ATRX: variants seen among roughly 807,000 people sequenced by gnomAD.
ATRX encodes the protein chromatin remodeler ATRX.
In ATRX, 12 loss-of-function variants were observed where a neutral mutation model predicts 172.6. That is an observed-to-expected ratio of 0.07 (90% CI 0.04 to 0.11). The LOEUF is 0.11. ATRX is among the 10% of genes least tolerant of loss of function. The pLI, the probability that ATRX is intolerant of heterozygous loss-of-function variation, is 1.00. For missense variants in ATRX, 1,368 were observed against 1,767.4 expected, an observed-to-expected ratio of 0.77 and a Z score of 4.05; for synonymous variants, 674 against 594.7, an observed-to-expected ratio of 1.13 and a Z score of -1.94.
At chrX:77,646,629 A>C (rs1162159405) in intron 15 of ATRX, among the ~76,000 whole-genome samples, 1 of 111,827 alleles carries the variant, frequency 8.9e-6, no homozygotes, top group Non-Finnish European at 1.9e-5. Flanking sequence ...ATAACACTAT[A>C]AACCAATTGG....
At chrX:77,768,211 A>G (rs2076042522) in intron 1 of ATRX, among the ~76,000 whole-genome samples, 1 of 112,143 alleles carries the variant, frequency 8.9e-6, no homozygotes, top group South Asian at 3.7e-4. Context: ...TTATCGCTTA[A>G]TGGAAGATAT....
intron 22 of ATRX, among the ~76,000 whole-genome samples, chrX:77,606,648 T>C (rs1333145081): frequency 2.8e-5 from 3 of 108,330 alleles, no homozygotes; most frequent in Non-Finnish European, 5.7e-5. Flanking sequence ...ATCAGCTGAG[T>C]GTGATGGCTC....
At chrX:77,656,513 G>A (rs2148460329) in intron 13 of ATRX, 47 bp downstream of exon 13, 1 of 961,379 alleles carries the variant, frequency 1.0e-6, no homozygotes, top group Middle Eastern at 3.1e-4. Context: ...TGAAGGCATG[G>A]TCATTCAGAT....
intron 30 of ATRX, among the ~76,000 whole-genome samples, chrX:77,547,951 C>A (rs1180447727): frequency 1.8e-5 from 2 of 111,628 alleles, no homozygotes; most frequent in African/African-American, 6.5e-5. Context: ...GAGAAATGAA[C>A]CTACTATAAT....
chrX:77,667,341 G>GTA (rs1491057861), intron 10 of ATRX, among the ~76,000 whole-genome samples: 2 of 92,755 alleles, frequency 2.2e-5, no homozygotes, highest in African/African-American at 3.9e-5. Context: ...GTGTGTGTGT[G>GTA]TATAAAATAT....
chrX:77,659,482 T>TACACACACACAC (rs72145948), intron 12 of ATRX, among the ~76,000 whole-genome samples: 1 of 88,467 alleles, frequency 1.1e-5, no homozygotes, highest in African/African-American at 4.1e-5. Flanking sequence ...TTTCTCTCTC[T>TACACACACACAC]ACACACACAC....
chrX:77,505,107 CA>C lies in ATRX; in HGVS notation c.*3243del, dbSNP rs1319831594. The C allele has an allele frequency of 1.2e-5, 2 of 168,113 alleles. No individual in the cohort carries two copies. The highest frequency in any genetic ancestry group is 6.0e-5 in the African/African-American group (2 of 33,282). The allele number at this position is 168,113 out of a possible 1,213,427, so 13.9% of individuals were successfully genotyped here. ...GAAATAAAGTAGTAAATACCCTGAA[CA>C]TAATTTTTAGTATAATAAACATGTA... On this transcript the variant is annotated 3_prime_UTR_variant, in exon 35 of 35. Transcript: ENST00000373344.
intron 1 of ATRX, among the ~76,000 whole-genome samples, chrX:77,780,880 C>T (rs2076545208): frequency 9.1e-6 from 1 of 110,399 alleles, no homozygotes; most frequent in African/African-American, 3.3e-5. Context: ...GTCAAGGCTA[C>T]AGTGAGCCAT....
At chrX:77,680,452 C>G (rs2071121407) in intron 9 of ATRX, among the ~76,000 whole-genome samples, 1 of 111,977 alleles carries the variant, frequency 8.9e-6, no homozygotes, top group Non-Finnish European at 1.9e-5. Context: ...AATTCCAACA[C>G]TTTGGAAGGC....
chrX:77,646,887 C>T (rs962414378), intron 15 of ATRX, among the ~76,000 whole-genome samples: 18 of 107,773 alleles, frequency 1.7e-4, no homozygotes, highest in African/African-American at 5.4e-4. Context: ...CACGTCACTG[C>T]ACTCCAGCCT....
At chrX:77,554,642 A>G (rs2064700815) in intron 30 of ATRX, among the ~76,000 whole-genome samples, 1 of 111,360 alleles carries the variant, frequency 9.0e-6, no homozygotes, top group Non-Finnish European at 1.9e-5. Context: ...TCTCATTCAC[A>G]CTTGATTCTT....
chrX:77,517,494 G>C (rs2063093884), intron 34 of ATRX, among the ~76,000 whole-genome samples: 1 of 111,689 alleles, frequency 9.0e-6, no homozygotes, highest in Non-Finnish European at 1.9e-5. Flanking sequence ...AATCTGAACA[G>C]AGCAGTAACA....
Position 77,618,960 on chromosome X carries a change from A to G in ATRX, c.5294T>C (p.Ile1765Thr). The change falls in exon 21 of 35, where the codon ATC (isoleucine) becomes ACC (threonine). Residue 1765 changes from isoleucine to threonine, a missense_variant. This residue lies in a region of ATRX where 23 missense variants were observed against 143.8 expected (regional missense o/e 0.16). Coordinates refer to ENST00000373344, the MANE Select transcript of ATRX (RefSeq NM_000489.6). ...LIEYHCMVNF[I>T]KENLLGSIKE... ...AATGGATCCAAGTAAATTTTCCTTGATAAAATTAACCATACAATGATCTAA... is the reference window on the plus strand; with the variant it reads ...AATGGATCCAAGTAAATTTTCCTTGGTAAAATTAACCATACAATGATCTAA... 1 of 1,160,717 alleles carries G rather than the reference A, an allele frequency of 8.6e-7. No individual in the cohort carries two copies. The highest frequency in any genetic ancestry group is 1.2e-6 in the Non-Finnish European group (1 of 849,786).
chrX:77,662,914 C>G (rs1164547138), intron 12 of ATRX, among the ~76,000 whole-genome samples: 2 of 111,273 alleles, frequency 1.8e-5, no homozygotes, highest in African/African-American at 6.5e-5. Context: ...CCAGGATGGT[C>G]TCAATCTCCT....
intron 25 of ATRX, chrX:77,595,750 T>TTACTA (rs1204024330): frequency 9.0e-6 from 1 of 111,579 alleles, no homozygotes; most frequent in Non-Finnish European, 1.9e-5. Flanking sequence ...AGTTCCCTCC[T>TTACTA]TATGTCTGGG....
chrX:77,594,841 A>C (rs1557083046), intron 25 of ATRX: 1 of 111,728 alleles, frequency 9.0e-6, no homozygotes. Flanking sequence ...CTGTTTGTAA[A>C]ATCCTACAAA....
At chrX:77,530,563 C>A (rs1201922372) in intron 30 of ATRX, among the ~76,000 whole-genome samples, 2 of 111,297 alleles carry the variant, frequency 1.8e-5, no homozygotes, top group Admixed American at 1.9e-4. Flanking sequence ...GAGCTGAGAT[C>A]GTGCCATTGT....
chrX:77,685,369 T>C (rs2071494867), intron 7 of ATRX, among the ~76,000 whole-genome samples: 1 of 112,041 alleles, frequency 8.9e-6, no homozygotes, highest in Admixed American at 9.5e-5. Flanking sequence ...AATCAAAAAA[T>C]GGGCAAAAGA....
At chrX:77,592,212 G>T (rs1307343074) in intron 26 of ATRX, among the ~76,000 whole-genome samples, 1 of 109,798 alleles carries the variant, frequency 9.1e-6, no homozygotes, top group South Asian at 4.0e-4. Context: ...AGGAGTTCAA[G>T]ACCAGCTAGG....
Sources: gnomAD v4.1 joint callset for allele counts (sites outside exome capture counted in the v4.1 genomes callset) on GRCh38, gnomAD v4.1.1 for gene constraint, gnomAD v4.1.1 regional missense constraint, MANE v1.5 for transcripts, NCBI Gene and HGNC (gene_info 2026-07-23, HGNC 2026-07-21) for gene names.